Variants in FRYL observed in about 807,000 individuals in gnomAD.
FRYL encodes the protein FRY like transcription coactivator, also known as protein furry homolog-like.
FRYL carries 150 observed loss-of-function variants against 351.2 expected under a neutral mutation model. The observed-to-expected ratio is 0.43, with a 90% CI of 0.37 to 0.49. The LOEUF is 0.49. Ranked by LOEUF, FRYL falls within the 20% of genes least tolerant of loss-of-function variation. The pLI, the probability that FRYL is intolerant of heterozygous loss-of-function variation, is 0.00. For missense variants in FRYL, 3,036 were observed against 3,619.3 expected, an observed-to-expected ratio of 0.84 and a Z score of 4.13; for synonymous variants, 1,153 against 1,257.1, an observed-to-expected ratio of 0.92 and a Z score of 1.75.
At chr4:48,650,087 T>A (rs1424900912) in intron 3 of FRYL, among the ~76,000 whole-genome samples, 1 of 152,118 alleles carries the variant, frequency 6.6e-6, no homozygotes, top group Non-Finnish European at 1.5e-5. Context: ...AATCAAGTTT[T>A]CCTCTGTTCT....
At chr4:48,624,529 T>C (rs764509461) in intron 4 of FRYL, among the ~76,000 whole-genome samples, 10 of 152,176 alleles carry the variant, frequency 6.6e-5, no homozygotes, top group Non-Finnish European at 1.5e-4. Context: ...CATTGGTACA[T>C]AAAGAGGCTT....
At chr4:48,730,938 G>A (rs922093379) in intron 1 of FRYL, among the ~76,000 whole-genome samples, 4 of 152,064 alleles carry the variant, frequency 2.6e-5, no homozygotes, top group African/African-American at 7.2e-5. Flanking sequence ...TGGATAAAGA[G>A]TCAAGACCCC....
intron 36 of FRYL, among the ~76,000 whole-genome samples, chr4:48,552,403 A>C (rs897905642): frequency 2.0e-5 from 3 of 151,034 alleles, no homozygotes; most frequent in Non-Finnish European, 2.9e-5. Flanking sequence ...GACAAAGCAC[A>C]CAGACAACAA....
intron 7 of FRYL, among the ~76,000 whole-genome samples, chr4:48,615,575 A>T (rs756278437): frequency 5.3e-5 from 8 of 152,252 alleles, no homozygotes; most frequent in Non-Finnish European, 8.8e-5. Context: ...GCCCTTTGGT[A>T]CAAACATACT....
intron 33 of FRYL, 97 bp downstream of exon 33, chr4:48,561,371 A>T: frequency 2.6e-6 from 2 of 779,680 alleles, no homozygotes; most frequent in Non-Finnish European, 3.8e-6. Flanking sequence ...TCTGGTTTTG[A>T]TTTAACCTGT....
chr4:48,644,497 TAAAA>T (rs61422049), intron 3 of FRYL, among the ~76,000 whole-genome samples: 3 of 117,636 alleles, frequency 2.6e-5, no homozygotes, highest in Non-Finnish European at 3.5e-5. Context: ...CAGATAATTG[TAAAA>T]AAAAAAAAAA....
chr4:48,507,181 T>G (rs1721279168), intron 59 of FRYL, among the ~76,000 whole-genome samples: 1 of 152,214 alleles, frequency 6.6e-6, no homozygotes, highest in Non-Finnish European at 1.5e-5. Context: ...ATACAGCCTT[T>G]TGGGGGGCAC....
chr4:48,739,356 G>A (rs1405957834), intron 1 of FRYL, among the ~76,000 whole-genome samples: 1 of 146,220 alleles, frequency 6.8e-6, no homozygotes, highest in African/African-American at 2.5e-5. Context: ...AGCCAAGATT[G>A]TGCCACTACA....
intron 16 of FRYL, among the ~76,000 whole-genome samples, chr4:48,592,585 A>T (rs1414891973): frequency 1.3e-5 from 2 of 152,178 alleles, no homozygotes; most frequent in African/African-American, 4.8e-5. Flanking sequence ...CTTAAAATGG[A>T]TGTTCAAGAA....
intron 3 of FRYL, among the ~76,000 whole-genome samples, chr4:48,648,584 G>A (rs1194626253): frequency 6.6e-6 from 1 of 152,164 alleles, no homozygotes; most frequent in East Asian, 1.9e-4. Context: ...GGGGGTGAGG[G>A]AGTGTTCTTA....
intron 3 of FRYL, among the ~76,000 whole-genome samples, chr4:48,634,817 T>G (rs1335952785): frequency 3.3e-5 from 5 of 152,106 alleles, no homozygotes; most frequent in Non-Finnish European, 5.9e-5. Context: ...TGCACAGTAT[T>G]TGCTGAATGA....
intron 2 of FRYL, among the ~76,000 whole-genome samples, chr4:48,685,817 G>C (rs572695438): frequency 2.0e-5 from 3 of 151,680 alleles, no homozygotes; most frequent in Non-Finnish European, 4.4e-5. Context: ...GCAGTGGCAC[G>C]ATCTCAGCTC....
rs781275636 is a variant in FRYL, at chr4:48,500,133, A to T, written c.8680T>A (p.Ser2894Thr). The T allele has an allele frequency of 1.9e-6, 3 of 1,603,426 alleles. No homozygotes were observed. The South Asian group carries it at 3.4e-5, about 18-fold the overall frequency. Reference protein sequence around the residue: ...SASENEEIDISKAAQTTIETA... With the variant: ...SASENEEIDITKAAQTTIETA... ...TCTATAGTAGTTTGTGCAGCTTTGGAAATGTCAATTTCTTCGTTTTCGGAA... is the reference window on the plus strand; with the variant it reads ...TCTATAGTAGTTTGTGCAGCTTTGGTAATGTCAATTTCTTCGTTTTCGGAA... The change falls in exon 63 of 64, where the codon TCC becomes ACC. Residue 2894 changes from serine (S) to threonine (T), a missense_variant. Physicochemically the swap from Ser to Thr is moderately conservative, Grantham distance 58. Transcript: ENST00000358350.
Position 48,607,690 on chromosome 4 carries a change from C to A in FRYL, c.573-1084G>T, listed in dbSNP as rs117497080. Among the ~76,000 whole-genome samples the A allele has an allele frequency of 1.4e-3, 212 of 152,306 alleles. 4 individuals carry two copies. The East Asian group carries it at 0.031, about 22-fold the overall frequency. On this transcript the variant is annotated intron_variant, in intron 9 of 63. Coordinates refer to ENST00000358350, the MANE Select transcript of FRYL (RefSeq NM_015030.2). ...CTATCAGCCTAACTCAAAGTGGATC[C>A]TTTCACGTTTTCTCCCATGTTTATT...
At chr4:48,570,939 C>G in intron 26 of FRYL, 21 bp from the exon 27 acceptor site, 2 of 1,571,878 alleles carry the variant, frequency 1.3e-6, no homozygotes, top group Non-Finnish European at 1.8e-6. Context: ...GATACAAACA[C>G]ATTAATTAAA....
chr4:48,623,983 A>T (rs1228327531), intron 4 of FRYL, among the ~76,000 whole-genome samples: 2 of 152,134 alleles, frequency 1.3e-5, no homozygotes, highest in African/African-American at 2.4e-5. Flanking sequence ...AAAAGAGGTA[A>T]AAGTTGGGGC....
intron 37 of FRYL, among the ~76,000 whole-genome samples, 198 bp from the exon 38 acceptor site, chr4:48,550,902 T>C (rs1460340881): frequency 6.6e-6 from 1 of 152,138 alleles, no homozygotes; most frequent in Non-Finnish European, 1.5e-5. Flanking sequence ...TGAAACCCCG[T>C]GTCTACTAAA....
At chr4:48,525,112 A>G (rs1218188001) in intron 53 of FRYL, among the ~76,000 whole-genome samples, 2 of 149,838 alleles carry the variant, frequency 1.3e-5, no homozygotes, top group Admixed American at 1.3e-4. Context: ...AAATATCAGT[A>G]TGCACAGCAT....
chr4:48,738,829 T>C (rs1578882949), intron 1 of FRYL, among the ~76,000 whole-genome samples: 2 of 152,174 alleles, frequency 1.3e-5, no homozygotes, highest in East Asian at 3.9e-4. Context: ...ATTGTAACAA[T>C]GTTAGTTATT....
Sources: gnomAD v4.1 joint callset for allele counts (sites outside exome capture counted in the v4.1 genomes callset) on GRCh38, gnomAD v4.1.1 for gene constraint, MANE v1.5 for transcripts, NCBI Gene and HGNC (gene_info 2026-07-23, HGNC 2026-07-21) for gene names.